MID1: variants seen among roughly 807,000 people sequenced by gnomAD.
The protein encoded by MID1 is E3 ubiquitin-protein ligase Midline-1.
A neutral mutation model predicts 40.4 loss-of-function variants in MID1; 7 were observed. The observed-to-expected ratio is 0.17, with a 90% CI of 0.10 to 0.33. The LOEUF is 0.33. Among genes scored for constraint, MID1 ranks in the 10% least tolerant of loss-of-function variants. The pLI is 1.00. For missense variants in MID1, 367 were observed against 558.5 expected, an observed-to-expected ratio of 0.66 and a Z score of 3.46; for synonymous variants, 229 against 221.2, an observed-to-expected ratio of 1.04 and a Z score of -0.31.
intron 1 of MID1, among the ~76,000 whole-genome samples, chrX:10,594,231 A>G (rs1935369752): frequency 8.9e-6 from 1 of 111,791 alleles, no homozygotes; most frequent in Non-Finnish European, 1.9e-5. Flanking sequence ...TGTATTGAGT[A>G]TATATTTTAG....
rs1476005710 is a variant in MID1 at position 10,699,984 on chromosome X, G to A, written c.-186-79565C>T. Among the ~76,000 whole-genome samples, 6 of 109,293 alleles carry A rather than the reference G, an allele frequency of 5.5e-5. No individual in the cohort carries two copies. In the South Asian group the frequency reaches 1.2e-3, roughly 22 times the overall value. 94.9% of individuals were successfully genotyped at this position (109,293 alleles called of 115,157 possible). A position where few individuals can be genotyped will look rare whatever the true frequency, so the allele number is the denominator to read the frequency against. ...ATTACAGACATGTGCCACCACGCCC[G>A]GCTAATTTTGTATTTTTAGTAGAGA... On this transcript the variant is annotated intron_variant, in intron 1 of 10. Coordinates refer to the MID1 transcript ENST00000380785.
intron 7 of MID1, among the ~76,000 whole-genome samples, chrX:10,465,212 TATACACACACACAC>T (rs1360031491): frequency 2.0e-4 from 11 of 56,024 alleles, no homozygotes; most frequent in Admixed American, 7.3e-4. Context: ...TATATATATA[TATACACACACACAC>T]ACACACACAC....
chrX:10,794,387 T>TA (rs2043954567), intron 1 of MID1, among the ~76,000 whole-genome samples: 2 of 112,223 alleles, frequency 1.8e-5, no homozygotes, highest in South Asian at 7.4e-4. Flanking sequence ...CAGTCATAAT[T>TA]ATATTGGTGT....
intron 2 of MID1, among the ~76,000 whole-genome samples, chrX:10,532,992 G>C (rs1002821017): frequency 9.1e-6 from 1 of 110,069 alleles, no homozygotes; most frequent in Non-Finnish European, 1.9e-5. Flanking sequence ...GGCTGGTCTC[G>C]AATTCCCAAC....
At chrX:10,700,533 A>G (rs1285709355) in intron 1 of MID1, among the ~76,000 whole-genome samples, 1 of 111,675 alleles carries the variant, frequency 9.0e-6, no homozygotes, top group Non-Finnish European at 1.9e-5. Context: ...AGCCTGGGCA[A>G]CACAGTGAGA....
chrX:10,586,385 G>C (rs773662061), intron 1 of MID1, among the ~76,000 whole-genome samples: 246 of 111,354 alleles, frequency 2.2e-3, no homozygotes, highest in Non-Finnish European at 3.7e-3. Flanking sequence ...ACTTTGCAAG[G>C]GTTGGCGAAG....
At chrX:10,573,430 T>G (rs1934792067) in intron 1 of MID1, among the ~76,000 whole-genome samples, 1 of 112,073 alleles carries the variant, frequency 8.9e-6, no homozygotes, top group African/African-American at 3.3e-5. Context: ...TCCACTCCTG[T>G]GAGAACCAAT....
intron 1 of MID1, among the ~76,000 whole-genome samples, chrX:10,815,366 A>G (rs1341992129): frequency 1.8e-5 from 2 of 112,216 alleles, no homozygotes; most frequent in East Asian, 5.6e-4. Context: ...TAGTGCTCAC[A>G]TCTAAACATG....
At chrX:10,761,274 T>C (rs1284564814) in intron 1 of MID1, among the ~76,000 whole-genome samples, 1 of 111,849 alleles carries the variant, frequency 8.9e-6, no homozygotes, top group Non-Finnish European at 1.9e-5. Flanking sequence ...TACACACACA[T>C]CTGTGCACTA....
At chrX:10,718,630 T>C (rs750104156) in intron 1 of MID1, among the ~76,000 whole-genome samples, 1 of 111,581 alleles carries the variant, frequency 9.0e-6, no homozygotes, top group East Asian at 2.8e-4. Context: ...AAGGAGGAGC[T>C]AGTACCATTC....
chrX:10,741,444 T>C (rs1324174652), intron 1 of MID1, among the ~76,000 whole-genome samples: 1 of 107,201 alleles, frequency 9.3e-6, no homozygotes, highest in African/African-American at 3.6e-5. Flanking sequence ...GACGAGGGCA[T>C]GCTTTCTTTT....
chrX:10,510,830 C>CAAAAAAAAAAAAAAAAAAAAAAAAA (rs1185825614), intron 3 of MID1, among the ~76,000 whole-genome samples: 1 of 23,952 alleles, frequency 4.2e-5, no homozygotes, highest in African/African-American at 1.5e-4. Context: ...GACTCTGTCT[C>CAAAAAAAAAAAAAAAAAAAAAAAAA]AAAAAAAAAA....
intron 2 of MID1, among the ~76,000 whole-genome samples, chrX:10,553,512 T>C (rs1228074110): frequency 3.6e-5 from 4 of 111,605 alleles, no homozygotes; most frequent in Non-Finnish European, 5.7e-5. Flanking sequence ...ATATGAATAT[T>C]AACTCGTTTT....
chrX:10,741,167 G>C (rs955189191), intron 1 of MID1, among the ~76,000 whole-genome samples: 53 of 112,198 alleles, frequency 4.7e-4, no homozygotes, highest in African/African-American at 1.7e-3. Flanking sequence ...GACTATTAAA[G>C]CTAGGATTTT....
intron 1 of MID1, among the ~76,000 whole-genome samples, chrX:10,642,302 A>G (rs1350501476): frequency 9.0e-6 from 1 of 111,513 alleles, no homozygotes; most frequent in Non-Finnish European, 1.9e-5. Context: ...TTAAGCTGAT[A>G]AGCAACTTCA....
At chrX:10,625,538 T>A (rs1388003045), upstream of MID1, among the ~76,000 whole-genome samples, 1 of 112,236 alleles carries the variant, frequency 8.9e-6, no homozygotes, top group Admixed American at 9.5e-5. Context: ...TATTAATAAT[T>A]TTAAAATCTC....
At chrX:10,653,255 T>C (rs1178759238) in intron 1 of MID1, among the ~76,000 whole-genome samples, 1 of 112,543 alleles carries the variant, frequency 8.9e-6, no homozygotes, top group Non-Finnish European at 1.9e-5. Context: ...TATTTCAAAG[T>C]ATTAGCTGCT....
chrX:10,792,651 G>A (rs1475832769), intron 1 of MID1, among the ~76,000 whole-genome samples: 1 of 112,050 alleles, frequency 8.9e-6, no homozygotes, highest in Non-Finnish European at 1.9e-5. Flanking sequence ...GCCACATATT[G>A]TATGATTCCA....
At chrX:10,470,382 A>G (rs1189247075) in intron 6 of MID1, among the ~76,000 whole-genome samples, 1 of 112,231 alleles carries the variant, frequency 8.9e-6, no homozygotes, top group Non-Finnish European at 1.9e-5. Context: ...GCTGTAACCC[A>G]AAGTTCACCA....
Sources: gnomAD v4.1 joint callset for allele counts (sites outside exome capture counted in the v4.1 genomes callset) on GRCh38, gnomAD v4.1.1 for gene constraint, MANE v1.5 for transcripts, NCBI Gene and HGNC (gene_info 2026-07-23, HGNC 2026-07-21) for gene names.